ATXN7L1: variants seen among roughly 807,000 people sequenced by gnomAD.
The protein encoded by ATXN7L1 is ataxin 7 like 1.
ATXN7L1 carries 15 observed loss-of-function variants against 70.8 expected under a neutral mutation model. That is an observed-to-expected ratio of 0.21 (90% CI 0.14 to 0.33). ATXN7L1 has a LOEUF of 0.33. Ranked by LOEUF, ATXN7L1 falls within the 10% of genes least tolerant of loss-of-function variation. The pLI is 1.00. For synonymous variants in ATXN7L1, 440 were observed against 445.1 expected, an observed-to-expected ratio of 0.99 and a Z score of 0.14; for missense variants, 975 against 1,097.1, an observed-to-expected ratio of 0.89 and a Z score of 1.57.
chr7:105,629,369 TTC>T (rs1235647692), intron 7 of ATXN7L1, among the ~76,000 whole-genome samples: 1 of 151,906 alleles, frequency 6.6e-6, no homozygotes, highest in East Asian at 1.9e-4. Flanking sequence ...GTAGTTGTCA[TTC>T]TCTGTCTGAT....
At chr7:105,811,181 G>A (rs1445474201) in intron 2 of ATXN7L1, among the ~76,000 whole-genome samples, 1 of 152,198 alleles carries the variant, frequency 6.6e-6, no homozygotes, top group Non-Finnish European at 1.5e-5. Flanking sequence ...CAATATGACT[G>A]GCGTCCTTAT....
intron 7 of ATXN7L1, among the ~76,000 whole-genome samples, chr7:105,625,052 T>C (rs1448253899): frequency 6.6e-6 from 1 of 152,124 alleles, no homozygotes; most frequent in African/African-American, 2.4e-5. Flanking sequence ...ATATCAGTAA[T>C]GAAGAAATGC....
At chr7:105,760,442 G>T in intron 3 of ATXN7L1, 1 of 985,614 alleles carries the variant, frequency 1.0e-6, no homozygotes. Context: ...ATGAATTCAG[G>T]TTTTCATCCC....
chr7:105,776,493 A>C (rs1234354215), intron 3 of ATXN7L1, among the ~76,000 whole-genome samples: 19 of 143,918 alleles, frequency 1.3e-4, no homozygotes, highest in South Asian at 6.9e-4. Context: ...CAAACAAACA[A>C]CCCCCCCCCC....
rs1793649102 is a variant in ATXN7L1, at chr7:105,614,927, C to T, written c.1518-111G>A. 2.3e-6 allele frequency: 3 copies of T among 1,288,390 alleles called. No individual in the cohort carries two copies. The highest frequency in any genetic ancestry group is 3.1e-6 in the Non-Finnish European group (3 of 953,118). The allele number at this position is 1,288,390 out of a possible 1,614,324, so 79.8% of individuals were successfully genotyped here. A position where few individuals can be genotyped will look rare whatever the true frequency, so the allele number is the denominator to read the frequency against. Reference sequence around the variant, plus strand: ...GCTACAGAGGACACCCCGGCAGAACCAGACTATGGAGAATGGAGCCTTGAA... The same window carrying T: ...GCTACAGAGGACACCCCGGCAGAACTAGACTATGGAGAATGGAGCCTTGAA... On this transcript the variant is annotated intron_variant, in intron 9 of 11. Coordinates refer to ENST00000419735, the MANE Select transcript of ATXN7L1 (RefSeq NM_020725.2). This position sits in a 1 kb window ranked among gnomAD's most constrained non-coding sequence, Gnocchi z 4.3.
At chr7:105,713,737 T>C (rs995724623) in intron 3 of ATXN7L1, among the ~76,000 whole-genome samples, 1 of 152,218 alleles carries the variant, frequency 6.6e-6, no homozygotes, top group Non-Finnish European at 1.5e-5. Context: ...GGGGCCTGGA[T>C]GACACACATG....
chr7:105,641,214 C>CTTTTTTTTTTTTTTTTTTTTT (rs561100060), intron 5 of ATXN7L1, among the ~76,000 whole-genome samples: 2 of 21,786 alleles, frequency 9.2e-5, no homozygotes, highest in African/African-American at 1.7e-4. Flanking sequence ...CTCTCTCTCT[C>CTTTTTTTTTTTTTTTTTTTTT]TTTTTTTTTT....
At chr7:105,692,419 T>TTCCTTCCTTCCCTCCCTCCCTCCC (rs1791073296) in intron 3 of ATXN7L1, among the ~76,000 whole-genome samples, 10 of 122,790 alleles carry the variant, frequency 8.1e-5, no homozygotes, top group African/African-American at 3.2e-4. Flanking sequence ...CCTTCCTTCC[T>TTCCTTCCTTCCCTCCCTCCCTCCC]TCCTTCCTCC....
intron 2 of ATXN7L1, among the ~76,000 whole-genome samples, chr7:105,847,860 C>T (rs181634214): frequency 6.6e-6 from 1 of 152,302 alleles, no homozygotes; most frequent in African/African-American, 2.4e-5. Context: ...CGAAATGGCC[C>T]CTGCCAGCAT....
intron 3 of ATXN7L1, among the ~76,000 whole-genome samples, chr7:105,733,506 C>CATCTATCCACCCATCCATCCATT (rs1264531675): frequency 9.7e-6 from 1 of 103,358 alleles, no homozygotes; most frequent in African/African-American, 4.5e-5. Flanking sequence ...ATCCATCCTT[C>CATCTATCCACCCATCCATCCATT]CATCCATCCA....
rs960257811 is a variant in ATXN7L1 at position 105,870,052 on chromosome 7, C to T, written c.250+5760G>A. 2.0e-4 allele frequency among the ~76,000 whole-genome samples: 31 copies of T among 152,156 alleles called. No homozygotes were observed. In the South Asian group the frequency reaches 2.3e-3, roughly 11 times the overall value. On this transcript the variant is annotated intron_variant, in intron 2 of 11. Transcript: ENST00000419735. ...ATCCCAGCACTTTGGGAGGCCGAGG[C>T]GGGCGGATCACAAAGTTAGGAGATC...
chr7:105,844,571 C>G (rs1813695826), intron 2 of ATXN7L1, among the ~76,000 whole-genome samples: 1 of 152,092 alleles, frequency 6.6e-6, no homozygotes, highest in Admixed American at 6.5e-5. Flanking sequence ...TGGAAGGAAA[C>G]TTTTTCAACT....
chr7:105,819,769 C>T, intron 2 of ATXN7L1: 2 of 703,440 alleles, frequency 2.8e-6, no homozygotes, highest in South Asian at 2.8e-5. Context: ...CAAGACAAAG[C>T]AAGGCCGGGC....
chr7:105,855,042 C>T lies in ATXN7L1; in HGVS notation c.250+20770G>A, dbSNP rs190524530. Among the ~76,000 whole-genome samples, 250 of 151,828 alleles carry T rather than the reference C, an allele frequency of 1.6e-3. 1 individual carries two copies. Among genetic ancestry groups the T allele is most frequent in the East Asian group, 6.0e-3 (31 of 5,162 alleles). On this transcript the variant is annotated intron_variant, in intron 2 of 11. Coordinates refer to ENST00000419735, the MANE Select transcript of ATXN7L1 (RefSeq NM_020725.2). ...TGATCTTGGCTCACTGCAACCTCCACCTCCCAGGTTCAGGTGATTCTCCTG... is the reference window on the plus strand; with the variant it reads ...TGATCTTGGCTCACTGCAACCTCCATCTCCCAGGTTCAGGTGATTCTCCTG...
intron 2 of ATXN7L1, among the ~76,000 whole-genome samples, chr7:105,804,204 G>A (rs1465549984): frequency 1.3e-5 from 2 of 152,202 alleles, no homozygotes; most frequent in Non-Finnish European, 2.9e-5. Context: ...AGCCCTTCAA[G>A]ACAGGTGATA....
Position 105,620,088 on chromosome 7 carries a change from A to G in ATXN7L1, c.1517+112T>C, listed in dbSNP as rs374945470. 52 of 1,339,588 alleles carry G rather than the reference A, an allele frequency of 3.9e-5. No homozygotes were observed. The African/African-American group carries it at 4.3e-4, about 11-fold the overall frequency. The allele number at this position is 1,339,588 out of a possible 1,614,324, so 83.0% of individuals were successfully genotyped here. ...AGAATTAATCAAGCATCCTGACTTC[A>G]GAATCATTTTGTTCTATGAAAAGTC... On this transcript the variant is annotated intron_variant, in intron 9 of 11. Transcript: ENST00000419735.
intron 3 of ATXN7L1, among the ~76,000 whole-genome samples, chr7:105,704,584 CTTTTTTT>C (rs11329205): frequency 6.1e-4 from 55 of 89,498 alleles, no homozygotes; most frequent in Non-Finnish European, 1.0e-3. Flanking sequence ...GGTTTTATCT[CTTTTTTT>C]TTTTTTTTTT....
At chr7:105,835,641 A>G (rs1479766999) in intron 2 of ATXN7L1, among the ~76,000 whole-genome samples, 1 of 152,110 alleles carries the variant, frequency 6.6e-6, no homozygotes, top group Non-Finnish European at 1.5e-5. Context: ...TCTTAGTCCA[A>G]AAGTTCATTT....
intron 4 of ATXN7L1, among the ~76,000 whole-genome samples, chr7:105,664,575 G>GTGTGTGTGTATA: frequency 3.8e-5 from 5 of 131,988 alleles, no homozygotes; most frequent in African/African-American, 1.4e-4. Context: ...GTATGTGTGT[G>GTGTGTGTGTATA]TATATATATA....
Sources: allele counts gnomAD v4.1 joint callset (sites outside exome capture counted in the v4.1 genomes callset), GRCh38; gene constraint gnomAD v4.1.1; non-coding constraint Gnocchi (gnomAD v3.1); transcripts MANE v1.5; gene names NCBI Gene and HGNC (gene_info 2026-07-23, HGNC 2026-07-21).